Variants in REST observed in about 807,000 individuals in gnomAD.
REST encodes the protein RE1-silencing transcription factor.
Under a neutral mutation model 30.4 loss-of-function variants are expected in REST, and 1 was observed. The ratio of observed to expected loss-of-function variants is 0.03; its 90% CI spans 0.01 to 0.16. REST has a LOEUF of 0.16. Ranked by LOEUF, REST falls within the 10% of genes least tolerant of loss-of-function variation. The probability of loss-of-function intolerance (pLI) is 1.00; values close to 1 mark genes in which losing one functional copy is unlikely to be tolerated. For synonymous variants in REST, 504 were observed against 451.1 expected, an observed-to-expected ratio of 1.12 and a Z score of -1.49; for missense variants, 1,259 against 1,329.5, an observed-to-expected ratio of 0.95 and a Z score of 0.82.
Position 56,910,780 on chromosome 4 carries a change from A to T in REST, c.142A>T (p.Met48Leu), listed in dbSNP as rs1381137665. ...TGAACTGGCCGCACCTCAGCTTATT[A>T]TGCTGGCAAATGTGGCCTTAACTGG... ...KAELAAPQLI[M>L]LANVALTGEV... The change falls in exon 2 of 4, where the codon ATG becomes TTG. Residue 48 changes from methionine to leucine, a missense_variant. Transcript: ENST00000309042. The T allele has an allele frequency of 1.2e-6, 2 of 1,614,226 alleles. No individual in the cohort carries two copies. Among genetic ancestry groups the T allele is most frequent in the Non-Finnish European group, 1.7e-6 (2 of 1,180,044 alleles).
chr4:56,932,773 G>A lies in REST; in HGVS notation c.*621G>A, dbSNP rs1261105986. The A allele has an allele frequency of 6.6e-6, 1 of 151,240 alleles. No individual in the cohort carries two copies. The highest frequency in any genetic ancestry group is 2.4e-5 in the African/African-American group (1 of 40,950). The allele number at this position is 151,240 out of a possible 1,614,324, so 9.4% of individuals were successfully genotyped here. A position where few individuals can be genotyped will look rare whatever the true frequency, so the allele number is the denominator to read the frequency against. On this transcript the variant is annotated 3_prime_UTR_variant, in exon 4 of 4. Transcript: ENST00000309042. Reference sequence around the variant, plus strand: ...TTTTGGTGCTTTAATGGCTTAAGATGTTGCACATTTTTTTTTTCTTTTGGT... The same window carrying A: ...TTTTGGTGCTTTAATGGCTTAAGATATTGCACATTTTTTTTTTCTTTTGGT...
At chr4:56,911,952 C>T (rs371048471) in intron 2 of REST, among the ~76,000 whole-genome samples, 1 of 152,004 alleles carries the variant, frequency 6.6e-6, no homozygotes, top group Non-Finnish European at 1.5e-5. Flanking sequence ...GAAAGACCCC[C>T]GTCTCAAAAA....
At position 56,934,800 on chromosome 4, in the gene REST, T is replaced by G. The variant is rs1221126974; in HGVS notation, c.*2648T>G. The G allele has an allele frequency of 6.6e-6, 1 of 152,220 alleles. No individual in the cohort carries two copies. Among genetic ancestry groups the G allele is most frequent in the Non-Finnish European group, 1.5e-5 (1 of 68,032 alleles). 9.4% of individuals were successfully genotyped at this position (152,220 alleles called of 1,614,324 possible). A position where few individuals can be genotyped will look rare whatever the true frequency, so the allele number is the denominator to read the frequency against. ...AACATGTTATTTGTAAATTGATGTT[T>G]AGTAATTAGTGATAAACTTGAAATA... On this transcript the variant is annotated 3_prime_UTR_variant, in exon 4 of 4. Coordinates refer to ENST00000309042, the MANE Select transcript of REST (RefSeq NM_005612.5).
chr4:56,917,783 G>A (rs1435197011), intron 2 of REST, among the ~76,000 whole-genome samples: 5 of 152,040 alleles, frequency 3.3e-5, no homozygotes, highest in South Asian at 2.1e-4. Flanking sequence ...CGGGTGTGGC[G>A]GCTCATGCCT....
chr4:56,919,162 C>G (rs1720336621), intron 2 of REST, among the ~76,000 whole-genome samples: 1 of 152,010 alleles, frequency 6.6e-6, no homozygotes, highest in South Asian at 2.1e-4. Context: ...GCCTCAGCCT[C>G]CCAAAGTGCT....
At position 56,930,368 on chromosome 4, in the gene REST, G is replaced by A. The variant is rs1439508558; in HGVS notation, c.1510G>A (p.Val504Met). Residue 504 changes from valine (V) to methionine (M), a missense_variant, in exon 4 of 4, where the codon GTG becomes ATG. Val to Met is a conservative substitution (Grantham distance 21, BLOSUM62 1). This residue lies in a region of REST where 856 missense variants were observed against 772.8 expected (regional missense o/e 1.11). Transcript: ENST00000309042. ...KSVTEVKEMD[V>M]HTGSNSEKFS... ...AGTAACAGAGGTGAAAGAGATGGAT[G>A]TGCATACAGGAAGCAATTCAGAAAA... 1.9e-6 allele frequency: 3 copies of A among 1,613,784 alleles called. No individual in the cohort carries two copies. Among genetic ancestry groups the A allele is most frequent in the Non-Finnish European group, 8.5e-7 (1 of 1,179,992 alleles).
At chr4:56,915,489 C>G (rs1720154789) in intron 2 of REST, among the ~76,000 whole-genome samples, 2 of 151,850 alleles carry the variant, frequency 1.3e-5, no homozygotes, top group Admixed American at 1.3e-4. Context: ...ACCTTGTGAT[C>G]AGCTGACCTC....
intron 3 of REST, chr4:56,920,111 C>T (rs768961752): frequency 4.5e-5 from 14 of 310,004 alleles, no homozygotes; most frequent in Non-Finnish European, 6.5e-5. Context: ...TAATTCTCAT[C>T]AAATCTTTGA....
chr4:56,921,602 G>A (rs557080693), intron 3 of REST, among the ~76,000 whole-genome samples: 16 of 152,134 alleles, frequency 1.1e-4, no homozygotes, highest in Non-Finnish European at 4.4e-5. Flanking sequence ...TAGAGATGGG[G>A]TTTCGCCATG....
At chr4:56,922,012 A>C (rs1720472316) in intron 3 of REST, among the ~76,000 whole-genome samples, 1 of 152,154 alleles carries the variant, frequency 6.6e-6, no homozygotes, top group South Asian at 2.1e-4. Context: ...GATTTATTTG[A>C]ACAGCTATGA....
chr4:56,922,184 T>C (rs933781973), intron 3 of REST: 4 of 152,016 alleles, frequency 2.6e-5, no homozygotes, highest in African/African-American at 9.7e-5. Flanking sequence ...CATTCTCTGA[T>C]GGTAATGTGG....
At position 56,911,536 on chromosome 4, in the gene REST, G is replaced by A; in HGVS notation, c.898G>A (p.Gly300Arg). ...TGTTCAGCATGTTAGAACTCATACA[G>A]GTAAGAGAAGCTTTCTAGTCCATAA... ...NYVQHVRTHT[G>R]ERPYKCELCP... The change falls in exon 2 of 4, where the codon GGA (glycine) becomes AGA (arginine). Residue 300 changes from glycine (G) to arginine (R), a missense_variant and splice_region_variant. By Grantham distance (125) the Gly-to-Arg change is moderately radical (BLOSUM62 -2). Coordinates refer to ENST00000309042, the MANE Select transcript of REST (RefSeq NM_005612.5). The A allele has an allele frequency of 6.2e-7, 1 of 1,606,530 alleles. No individual in the cohort carries two copies. Among genetic ancestry groups the A allele is most frequent in the Non-Finnish European group, 8.5e-7 (1 of 1,174,688 alleles).
At chr4:56,917,581 C>G (rs1159058055) in intron 2 of REST, among the ~76,000 whole-genome samples, 1 of 152,178 alleles carries the variant, frequency 6.6e-6, no homozygotes, top group Non-Finnish European at 1.5e-5. Flanking sequence ...GAGGGCTTTA[C>G]TATGTGCCAG....
At chr4:56,912,290 TA>T (rs1719965593) in intron 2 of REST, among the ~76,000 whole-genome samples, 1 of 152,072 alleles carries the variant, frequency 6.6e-6, no homozygotes, top group African/African-American at 2.4e-5. Context: ...CAATTATGTT[TA>T]GGGTGTTTGA....
At chr4:56,917,271 C>T (rs1458471029) in intron 2 of REST, among the ~76,000 whole-genome samples, 1 of 152,184 alleles carries the variant, frequency 6.6e-6, no homozygotes, top group Non-Finnish European at 1.5e-5. Context: ...CAGCGAATTA[C>T]AGCAGAATAG....
Position 56,930,916 on chromosome 4 carries a change from G to A in REST, c.2058G>A (p.Glu686=), listed in dbSNP as rs747793114. ...CCCAAATTGTACTTGCTCACATGGA[G>A]CTGCCTCCTCCCATGGAGACTGCTC... ...VGAQIVLAHM[E]LPPPMETAQT... The change falls in exon 4 of 4, where the codon GAG becomes GAA. Residue 686 remains glutamate, a synonymous_variant. Transcript: ENST00000309042. 3 of 1,613,708 alleles carry A rather than the reference G, an allele frequency of 1.9e-6. No homozygotes were observed. The highest frequency in any genetic ancestry group is 1.7e-6 in the Non-Finnish European group (2 of 1,179,754).
chr4:56,931,194 T>G lies in REST; in HGVS notation c.2336T>G (p.Met779Arg). The G allele has an allele frequency of 6.2e-7, 1 of 1,613,958 alleles. No homozygotes were observed. The highest frequency in any genetic ancestry group is 8.5e-7 in the Non-Finnish European group (1 of 1,179,928). The change falls in exon 4 of 4, where the codon ATG (methionine) becomes AGG (arginine). Residue 779 changes from methionine (M) to arginine (R), a missense_variant. Met to Arg is a moderately conservative substitution (Grantham distance 91, BLOSUM62 -1). Transcript: ENST00000309042. ...GTGGTCCAGAAGGAGCCTGTTCAGATGGAGTTGTCTCCTCCCATGGGGGTG... is the reference window on the plus strand; with the variant it reads ...GTGGTCCAGAAGGAGCCTGTTCAGAGGGAGTTGTCTCCTCCCATGGGGGTG... ...IEVVQKEPVQ[M>R]ELSPPMGVVQ...
At chr4:56,928,579 C>T (rs887713607) in intron 3 of REST, among the ~76,000 whole-genome samples, 1 of 149,752 alleles carries the variant, frequency 6.7e-6, no homozygotes, top group African/African-American at 2.5e-5. Context: ...CCATGCCTGG[C>T]TAATTTTTTT....
intron 2 of REST, among the ~76,000 whole-genome samples, chr4:56,913,037 A>T (rs1031690207): frequency 1.3e-5 from 2 of 151,596 alleles, no homozygotes; most frequent in African/African-American, 4.9e-5. Context: ...GCCTCAAGTG[A>T]TCCTCCTGCC....
Sources: allele counts gnomAD v4.1 joint callset (sites outside exome capture counted in the v4.1 genomes callset), GRCh38; gene constraint gnomAD v4.1.1; regional missense constraint gnomAD v4.1.1; transcripts MANE v1.5; gene names NCBI Gene and HGNC (gene_info 2026-07-23, HGNC 2026-07-21).